Variants in RASSF5 observed in about 807,000 individuals in gnomAD.
The protein encoded by RASSF5 is Ras association domain family member 5.
In RASSF5, 25 loss-of-function variants were observed where a neutral mutation model predicts 40.5. The ratio of observed to expected loss-of-function variants is 0.62; its 90% CI spans 0.45 to 0.86. The LOEUF (loss-of-function observed/expected upper bound fraction) is 0.86, where lower values mean the gene tolerates loss of function less well. RASSF5 is among the 40% of genes least tolerant of loss of function. RASSF5 has a pLI of 0.00. For synonymous variants in RASSF5, 246 were observed against 252.4 expected, an observed-to-expected ratio of 0.97 and a Z score of 0.24; for missense variants, 521 against 572.8, an observed-to-expected ratio of 0.91 and a Z score of 0.92.
intron 2 of RASSF5, among the ~76,000 whole-genome samples, chr1:206,550,580 G>T (rs1667812168): frequency 6.6e-6 from 1 of 152,190 alleles, no homozygotes; most frequent in Non-Finnish European, 1.5e-5. Context: ...ATTACATGGG[G>T]ACACCAGTGT....
intron 1 of RASSF5, among the ~76,000 whole-genome samples, chr1:206,533,300 A>C (rs1192466721): frequency 6.6e-6 from 1 of 151,636 alleles, no homozygotes; most frequent in Admixed American, 6.6e-5. Context: ...CCACTCCCTA[A>C]CCTCCCTGTC....
chr1:206,527,194 A>T (rs1572304382), intron 1 of RASSF5, among the ~76,000 whole-genome samples: 2 of 152,096 alleles, frequency 1.3e-5, no homozygotes, highest in East Asian at 3.8e-4. Flanking sequence ...TCTATCACAC[A>T]TGTTAAGCAG....
intron 2 of RASSF5, among the ~76,000 whole-genome samples, chr1:206,582,729 C>T (rs782151942): frequency 2.0e-5 from 3 of 152,198 alleles, no homozygotes; most frequent in Non-Finnish European, 4.4e-5. Context: ...GGACTGGTCT[C>T]TATGTGTCCT....
intron 1 of RASSF5, among the ~76,000 whole-genome samples, chr1:206,524,582 ATATATAT>A (rs1487561373): frequency 5.1e-4 from 64 of 124,724 alleles, no homozygotes; most frequent in South Asian, 8.9e-4. Context: ...AATATATAAA[ATATATAT>A]TATATATTAT....
rs1668796691 is a variant in RASSF5, at chr1:206,579,780, G to GT, written c.580-3486dup. ...CCAGATGATTGCACTGTGCAGACAA[G>GT]TTTAAGAACCACTGGTCTGGATTAT... On this transcript the variant is annotated intron_variant, in intron 2 of 5. Transcript: ENST00000579436. This position sits in a 1 kb window ranked among gnomAD's most constrained non-coding sequence, Gnocchi z 4.2. Among the ~76,000 whole-genome samples the GT allele has an allele frequency of 6.6e-6, 1 of 152,234 alleles. No individual in the cohort carries two copies. Among genetic ancestry groups the GT allele is most frequent in the African/African-American group, 2.4e-5 (1 of 41,468 alleles).
chr1:206,551,409 G>C (rs11811181), intron 2 of RASSF5, among the ~76,000 whole-genome samples: 1 of 151,952 alleles, frequency 6.6e-6, no homozygotes, highest in Non-Finnish European at 1.5e-5. Flanking sequence ...TCTTACCCTG[G>C]CTAGGCCGTC....
intron 2 of RASSF5, among the ~76,000 whole-genome samples, chr1:206,545,236 G>A (rs561460008): frequency 6.6e-6 from 1 of 151,844 alleles, no homozygotes; most frequent in Non-Finnish European, 1.5e-5. Context: ...TGAAAGAAGT[G>A]TTGAAATCTC....
chr1:206,536,957 G>A (rs1190173164), intron 1 of RASSF5, among the ~76,000 whole-genome samples: 1 of 152,208 alleles, frequency 6.6e-6, no homozygotes, highest in East Asian at 1.9e-4. Context: ...TCAGATCCGA[G>A]CATTTTCCCT....
Position 206,528,448 on chromosome 1 carries a change from C to A in RASSF5, c.458-9724C>A, listed in dbSNP as rs555138800. 1.8e-3 allele frequency among the ~76,000 whole-genome samples: 274 copies of A among 152,212 alleles called. 1 individual carries two copies. The highest frequency in any genetic ancestry group is 6.4e-3 in the African/African-American group (264 of 41,518). On this transcript the variant is annotated intron_variant, in intron 1 of 5. Transcript: ENST00000579436. ...GGCAGAGCACAGCGGGTTTTTAGGG[C>A]AGCGAAACTACCCTGCCTGATGCTA... is the stretch of plus-strand genomic sequence containing the variant.
chr1:206,543,437 C>G (rs1667594902), intron 2 of RASSF5: 1 of 152,162 alleles, frequency 6.6e-6, no homozygotes, highest in Non-Finnish European at 1.5e-5. Flanking sequence ...TACCAAGGTG[C>G]TCTTCCAAAG....
chr1:206,586,880 G>A lies in RASSF5; in HGVS notation c.1159G>A (p.Glu387Lys). 5 of 1,614,158 alleles carry A rather than the reference G, an allele frequency of 3.1e-6. No individual in the cohort carries two copies. Among genetic ancestry groups the A allele is most frequent in the Admixed American group, 1.7e-5 (1 of 60,018 alleles). ...GAACTTCCTAACAATCCTGGAAAAAGAGGAGCAGGACAAAATCCAACAAGT... is the reference window on the plus strand; with the variant it reads ...GAACTTCCTAACAATCCTGGAAAAAAAGGAGCAGGACAAAATCCAACAAGT... ...LQNFLTILEK[E>K]EQDKIQQVQK... The change falls in exon 6 of 6, where the codon GAG becomes AAG. Residue 387 changes from glutamate to lysine, a missense_variant. By Grantham distance (56) the Glu-to-Lys change is moderately conservative. Around this residue, in one of 2 missense-constraint regions of RASSF5, gnomAD observed 284 missense variants for 360.8 expected, o/e 0.79. Transcript: ENST00000579436.
chr1:206,539,482 C>A (rs1380112737), intron 2 of RASSF5, among the ~76,000 whole-genome samples: 1 of 152,192 alleles, frequency 6.6e-6, no homozygotes, highest in Non-Finnish European at 1.5e-5. Context: ...GTGTTACCAG[C>A]CTCCCAGCTG....
intron 1 of RASSF5, 136 bp downstream of exon 1, chr1:206,508,195 C>T: frequency 1.5e-6 from 1 of 651,088 alleles, no homozygotes; most frequent in Non-Finnish European, 2.3e-6. Context: ...AAGGAGATAA[C>T]AACCCCTGGG....
intron 2 of RASSF5, among the ~76,000 whole-genome samples, chr1:206,570,502 A>AAACTCCTTACCAATTAAACAGT (rs1668415676): frequency 2.0e-5 from 3 of 152,002 alleles, no homozygotes; most frequent in Non-Finnish European, 4.4e-5. Context: ...TCCCCAACTG[A>AAACTCCTTACCAATTAAACAGT]AACTCCTTAC....
intron 1 of RASSF5, among the ~76,000 whole-genome samples, chr1:206,523,663 A>G (rs1407409939): frequency 1.0e-5 from 1 of 99,560 alleles, no homozygotes; most frequent in African/African-American, 4.1e-5. Context: ...TATAAAATAT[A>G]TAAAATATAT....
At chr1:206,524,063 CAT>C (rs1339926274) in intron 1 of RASSF5, among the ~76,000 whole-genome samples, 5 of 105,850 alleles carry the variant, frequency 4.7e-5, no homozygotes, top group East Asian at 5.4e-4. Context: ...ATAGGTATAA[CAT>C]ATATAATATA....
At chr1:206,569,953 C>T (rs1553403937) in intron 2 of RASSF5, among the ~76,000 whole-genome samples, 3 of 152,104 alleles carry the variant, frequency 2.0e-5, no homozygotes, top group African/African-American at 7.2e-5. Flanking sequence ...GCTTGGAATA[C>T]AGAAAGTAAG....
In RASSF5 at chr1:206,583,278, A is replaced by G. The variant is rs1553406753; in HGVS notation, c.589A>G (p.Lys197Glu). The change falls in exon 3 of 6, where the codon AAA becomes GAA. Residue 197 changes from lysine to glutamate, a missense_variant. Physicochemically the swap from Lys to Glu is moderately conservative, Grantham distance 56 (BLOSUM62 1). Around this residue, in one of 2 missense-constraint regions of RASSF5, gnomAD observed 284 missense variants for 360.8 expected, o/e 0.79. Coordinates refer to ENST00000579436, the MANE Select transcript of RASSF5 (RefSeq NM_182663.4). ...TCTGTGTCTCTTCCAGAATGTCTGT[A>G]AACCTGTGGAGGAGACACAGCGCCC... ...LTVTFSQNVCKPVEETQRPPT... is the reference protein window; with the variant it reads ...LTVTFSQNVCEPVEETQRPPT... 2 of 1,610,154 alleles carry G rather than the reference A, an allele frequency of 1.2e-6. No individual in the cohort carries two copies. Among genetic ancestry groups the G allele is most frequent in the Non-Finnish European group, 1.7e-6 (2 of 1,176,546 alleles).
intron 2 of RASSF5, among the ~76,000 whole-genome samples, chr1:206,554,532 A>G (rs191601826): frequency 2.4e-4 from 36 of 152,322 alleles, no homozygotes; most frequent in African/African-American, 8.2e-4. Context: ...TCTGGCTGCT[A>G]CAGCTTTAGA....
Sources: gnomAD v4.1 joint callset for allele counts (sites outside exome capture counted in the v4.1 genomes callset) on GRCh38, gnomAD v4.1.1 for gene constraint, gnomAD v4.1.1 regional missense constraint, Gnocchi (gnomAD v3.1) non-coding constraint, MANE v1.5 for transcripts, NCBI Gene and HGNC (gene_info 2026-07-23, HGNC 2026-07-21) for gene names.